MALRD1: variants seen among roughly 807,000 people sequenced by gnomAD.
MALRD1 encodes MAM and LDL receptor class A domain containing 1.
MALRD1 carries 247 observed loss-of-function variants against 242.1 expected under a neutral mutation model. That is an observed-to-expected ratio of 1.02 (90% CI 0.92 to 1.13). The LOEUF (loss-of-function observed/expected upper bound fraction) is 1.13. Among genes scored for constraint, MALRD1 ranks in the 50% most tolerant of loss-of-function variants. The pLI is 0.00. For synonymous variants in MALRD1, 995 were observed against 866.6 expected (o/e 1.15, Z -2.60); for missense variants, 2,989 against 2,533.1 (o/e 1.18, Z -3.86).
intron 7 of MALRD1, among the ~76,000 whole-genome samples, chr10:19,124,926 A>G (rs960280849): frequency 7.6e-6 from 1 of 130,842 alleles, no homozygotes; most frequent in African/African-American, 2.8e-5. Flanking sequence ...AACAAAAAGT[A>G]TTAAAAGGCT....
intron 28 of MALRD1, among the ~76,000 whole-genome samples, chr10:19,397,865 T>C (rs1846656821): frequency 6.6e-6 from 1 of 152,104 alleles, no homozygotes; most frequent in Non-Finnish European, 1.5e-5. Context: ...CATGAGGTGA[T>C]ATCCATCATG....
intron 11 of MALRD1, among the ~76,000 whole-genome samples, chr10:19,148,680 A>G (rs1266353361): frequency 1.3e-5 from 2 of 151,402 alleles, no homozygotes; most frequent in African/African-American, 2.4e-5. Context: ...ATAGTGAAAG[A>G]TAACAATATG....
At chr10:19,102,599 G>A (rs1836307350) in intron 4 of MALRD1, among the ~76,000 whole-genome samples, 1 of 152,008 alleles carries the variant, frequency 6.6e-6, no homozygotes, top group Admixed American at 6.6e-5. Flanking sequence ...AAAATAAAAT[G>A]TTTATGTTGT....
At position 19,172,991 on chromosome 10, in the gene MALRD1, C is replaced by CTA. The variant is rs1484413403; in HGVS notation, c.1831-2216_1831-2215dup. ...GTTTAAGATTCTACAGAAATCATCT[C>CTA]TAATCAGAATCTTAAAAATTATTAT... On this transcript the variant is annotated intron_variant, in intron 13 of 39. Coordinates refer to ENST00000454679, the MANE Select transcript of MALRD1 (RefSeq NM_001142308.3). 9.2e-5 allele frequency among the ~76,000 whole-genome samples: 14 copies of CTA among 152,136 alleles called. 1 individual carries two copies. In the South Asian group the frequency reaches 2.3e-3, roughly 25 times the overall value.
At chr10:19,624,024 A>G (rs1395232054) in intron 36 of MALRD1, among the ~76,000 whole-genome samples, 3 of 152,142 alleles carry the variant, frequency 2.0e-5, no homozygotes, top group African/African-American at 7.2e-5. Flanking sequence ...ACATATTCTG[A>G]TAGGAAAGAT....
intron 31 of MALRD1, among the ~76,000 whole-genome samples, chr10:19,528,006 G>A (rs1487057954): frequency 6.6e-6 from 1 of 152,106 alleles, no homozygotes; most frequent in East Asian, 1.9e-4. Context: ...GTGCAGTCTA[G>A]GTATATTGGC....
chr10:19,455,999 G>A (rs1350569456), intron 29 of MALRD1, among the ~76,000 whole-genome samples: 1 of 152,120 alleles, frequency 6.6e-6, no homozygotes, highest in African/African-American at 2.4e-5. Context: ...GTAAACCCAG[G>A]ACCTCAGGGT....
chr10:19,650,228 A>G (rs1010063185), intron 36 of MALRD1, among the ~76,000 whole-genome samples: 2 of 152,224 alleles, frequency 1.3e-5, no homozygotes, highest in African/African-American at 4.8e-5. Context: ...TATCTGAAAA[A>G]GTCTACAGTG....
intron 36 of MALRD1, among the ~76,000 whole-genome samples, chr10:19,616,845 G>A (rs569690252): frequency 4.5e-4 from 69 of 152,018 alleles, no homozygotes; most frequent in African/African-American, 1.6e-3. Flanking sequence ...TTGTTGAAAT[G>A]TAATTACTAA....
At chr10:19,642,388 A>G (rs778405764) in intron 36 of MALRD1, among the ~76,000 whole-genome samples, 12 of 152,140 alleles carry the variant, frequency 7.9e-5, no homozygotes, top group Admixed American at 2.6e-4. Context: ...ACGAAGAGCT[A>G]ACCAAAGCAA....
intron 18 of MALRD1, among the ~76,000 whole-genome samples, chr10:19,256,236 A>G (rs1054250160): frequency 2.0e-5 from 3 of 152,162 alleles, no homozygotes; most frequent in Admixed American, 2.0e-4. Context: ...ATTTACATGT[A>G]TGGGTACAGG....
At chr10:19,503,217 T>G (rs1245175948) in intron 31 of MALRD1, among the ~76,000 whole-genome samples, 3 of 152,344 alleles carry the variant, frequency 2.0e-5, no homozygotes, top group East Asian at 3.9e-4. Flanking sequence ...TCTGAAATAA[T>G]GGGATGCTGA....
intron 2 of MALRD1, among the ~76,000 whole-genome samples, chr10:19,086,818 T>C (rs1477795732): frequency 2.6e-5 from 4 of 152,088 alleles, no homozygotes; most frequent in Non-Finnish European, 5.9e-5. Flanking sequence ...GGGTTCAGGA[T>C]GGGCGAGCTT....
At chr10:19,484,300 A>C (rs969761517) in intron 29 of MALRD1, among the ~76,000 whole-genome samples, 3 of 152,178 alleles carry the variant, frequency 2.0e-5, no homozygotes, top group Non-Finnish European at 4.4e-5. Flanking sequence ...AAAATAAGAA[A>C]AGTTTTCTAG....
chr10:19,506,073 A>G (rs1277889616), intron 31 of MALRD1, among the ~76,000 whole-genome samples: 2 of 152,196 alleles, frequency 1.3e-5, no homozygotes, highest in Non-Finnish European at 2.9e-5. Flanking sequence ...GTCAAGGATG[A>G]GAATGCCTGC....
intron 28 of MALRD1, among the ~76,000 whole-genome samples, chr10:19,406,090 T>G (rs747383778): frequency 1.1e-4 from 16 of 152,158 alleles, no homozygotes; most frequent in Non-Finnish European, 2.2e-4. Context: ...TTTACATATG[T>G]AAAATGATGA....
At chr10:19,393,281 T>G (rs1208336289) in intron 28 of MALRD1, among the ~76,000 whole-genome samples, 1 of 152,108 alleles carries the variant, frequency 6.6e-6, no homozygotes, top group Non-Finnish European at 1.5e-5. Flanking sequence ...CTCATTAAAT[T>G]TAAATGCATT....
At chr10:19,095,711 C>G (rs1004706230) in intron 4 of MALRD1, among the ~76,000 whole-genome samples, 2 of 152,068 alleles carry the variant, frequency 1.3e-5, no homozygotes, top group African/African-American at 4.8e-5. Context: ...TGAGTACCCC[C>G]GAGCACCAAT....
intron 38 of MALRD1, chr10:19,728,401 T>A (rs1458099037): frequency 6.6e-6 from 1 of 152,182 alleles, no homozygotes; most frequent in African/African-American, 2.4e-5. Flanking sequence ...TTATATAAAT[T>A]TACCTGGCTT....
Sources: gnomAD v4.1 joint callset for allele counts (sites outside exome capture counted in the v4.1 genomes callset) on GRCh38, gnomAD v4.1.1 for gene constraint, MANE v1.5 for transcripts, NCBI Gene and HGNC (gene_info 2026-07-23, HGNC 2026-07-21) for gene names.